The following CFH variants were observed in gnomAD, a reference collection of about 807,000 sequenced individuals.
CFH encodes the protein H factor 1 (complement).
CFH carries 53 observed loss-of-function variants against 147.3 expected under a neutral mutation model. The ratio of observed to expected loss-of-function variants is 0.36; its 90% confidence interval spans 0.29 to 0.45. The LOEUF is 0.45. CFH is among the 20% of genes least tolerant of loss of function. CFH has a pLI of 1.00. For synonymous variants in CFH, 536 were observed against 489.4 expected (o/e 1.10, Z -1.26); for missense variants, 1,380 against 1,498.0 (o/e 0.92, Z 1.30).
chr1:196,742,156 C>T, intron 19 of CFH, 105 bp downstream of exon 19: 4 of 1,073,616 alleles, frequency 3.7e-6, no homozygotes, highest in South Asian at 1.3e-5. Flanking sequence ...GGGCGGATCA[C>T]TTGAGGTCAG....
chr1:196,658,498 G>A (rs908576128), intron 1 of CFH, among the ~76,000 whole-genome samples: 3 of 144,504 alleles, frequency 2.1e-5, no homozygotes, highest in African/African-American at 5.3e-5. Context: ...TGCAAGCTCC[G>A]CCTCCCGGGT....
At chr1:196,653,822 A>G (rs187924560) in intron 1 of CFH, among the ~76,000 whole-genome samples, 21 of 152,200 alleles carry the variant, frequency 1.4e-4, no homozygotes, top group Admixed American at 1.2e-3. Flanking sequence ...TATATATGTT[A>G]TGGTGAAAAT....
At chr1:196,698,932 A>C (rs1264460665) in intron 9 of CFH, among the ~76,000 whole-genome samples, 1 of 152,172 alleles carries the variant, frequency 6.6e-6, no homozygotes, top group Non-Finnish European at 1.5e-5. Context: ...TATACAAATC[A>C]ATAAATGTAA....
intron 9 of CFH, among the ~76,000 whole-genome samples, chr1:196,712,737 C>T (rs988208806): frequency 2.0e-4 from 30 of 149,324 alleles, no homozygotes; most frequent in African/African-American, 4.9e-4. Flanking sequence ...TTTAGCATTA[C>T]GTATATCTCC....
chr1:196,706,806 C>G (rs1668601320), intron 9 of CFH, among the ~76,000 whole-genome samples: 3 of 152,138 alleles, frequency 2.0e-5, no homozygotes, highest in African/African-American at 7.2e-5. Flanking sequence ...CCTCCACCCC[C>G]AGTACCAAGG....
chr1:196,683,683 T>A lies in CFH; in HGVS notation c.791-1381T>A, dbSNP rs534291480. On this transcript the variant is annotated intron_variant, in intron 6 of 21. Transcript: ENST00000367429. ...ATGAAAGAATTAAAGCTAACCTGAATTTGAAAGCAACACTTTACCACTGAA... is the reference window on the plus strand; with the variant it reads ...ATGAAAGAATTAAAGCTAACCTGAAATTGAAAGCAACACTTTACCACTGAA... 3.3e-5 allele frequency among the ~76,000 whole-genome samples: 5 copies of A among 151,850 alleles called. No homozygotes were observed. In the East Asian group the frequency reaches 7.7e-4, roughly 24 times the overall value.
At chr1:196,730,161 G>C (rs1669248716) in intron 15 of CFH, among the ~76,000 whole-genome samples, 2 of 151,606 alleles carry the variant, frequency 1.3e-5, no homozygotes, top group Admixed American at 6.6e-5. Context: ...CTGCTTCTTT[G>C]AGGTGTACTA....
intron 1 of CFH, among the ~76,000 whole-genome samples, chr1:196,665,851 C>T (rs559897777): frequency 4.6e-5 from 7 of 152,334 alleles, no homozygotes; most frequent in South Asian, 2.1e-4. Flanking sequence ...AGGTGATCCA[C>T]CCATCTCAGC....
chr1:196,696,399 T>C (rs1668273891), intron 9 of CFH, among the ~76,000 whole-genome samples: 1 of 152,122 alleles, frequency 6.6e-6, no homozygotes. Context: ...GTAAATAAGT[T>C]CCTTGAAACC....
At chr1:196,660,306 A>C (rs521605) in intron 1 of CFH, among the ~76,000 whole-genome samples, 1 of 152,244 alleles carries the variant, frequency 6.6e-6, no homozygotes, top group Non-Finnish European at 1.5e-5. Context: ...CAGTAAATAC[A>C]TGGGAGATTT....
intron 1 of CFH, among the ~76,000 whole-genome samples, chr1:196,661,539 A>G (rs1666905410): frequency 6.6e-6 from 1 of 152,208 alleles, no homozygotes; most frequent in Non-Finnish European, 1.5e-5. Context: ...GTGTCCTCCA[A>G]TGATGAAAGG....
chr1:196,721,996 G>A (rs746856332), intron 11 of CFH, among the ~76,000 whole-genome samples: 8 of 151,764 alleles, frequency 5.3e-5, no homozygotes, highest in Non-Finnish European at 1.2e-4. Context: ...TCCAAATTTG[G>A]TCCACAAATC....
At chr1:196,727,056 C>A in intron 14 of CFH, 116 bp downstream of exon 14, 1 of 851,106 alleles carries the variant, frequency 1.2e-6, no homozygotes, top group Non-Finnish European at 2.0e-6. Flanking sequence ...TTCCAGTCTT[C>A]AATATGAGAC....
At position 196,726,797 on chromosome 1, in the gene CFH, A is replaced by C; in HGVS notation, c.2093A>C (p.Glu698Ala). ...ESTCGDIPELEHGWAQLSSPP... is the reference protein window; with the variant it reads ...ESTCGDIPELAHGWAQLSSPP... ...ACCTGTGGAGATATACCTGAACTTG[A>C]ACATGGCTGGGCCCAGCTTTCTTCC... Residue 698 changes from glutamate to alanine, a missense_variant, in exon 14 of 22, where the codon GAA (glutamate) becomes GCA (alanine). Physicochemically the swap from Glu to Ala is moderately radical, Grantham distance 107. Around this residue, in one of 4 missense-constraint regions of CFH, gnomAD observed 830 missense variants for 821.4 expected, o/e 1.01. Coordinates refer to ENST00000367429, the MANE Select transcript of CFH (RefSeq NM_000186.4). 1.2e-6 allele frequency: 2 copies of C among 1,613,918 alleles called. No homozygotes were observed. Among genetic ancestry groups the C allele is most frequent in the Non-Finnish European group, 1.7e-6 (2 of 1,179,864 alleles).
chr1:196,704,144 T>A (rs1168809949), intron 9 of CFH, among the ~76,000 whole-genome samples: 1 of 152,038 alleles, frequency 6.6e-6, no homozygotes, highest in Non-Finnish European at 1.5e-5. Flanking sequence ...GTGGCACGAT[T>A]GTGGCTCACT....
At chr1:196,697,421 G>A (rs1207632370) in intron 9 of CFH, among the ~76,000 whole-genome samples, 1 of 152,100 alleles carries the variant, frequency 6.6e-6, no homozygotes, top group African/African-American at 2.4e-5. Flanking sequence ...AGCATCACTG[G>A]TCATTAGAGA....
intron 15 of CFH, among the ~76,000 whole-genome samples, chr1:196,730,754 G>C (rs1215610311): frequency 6.6e-6 from 1 of 151,554 alleles, no homozygotes; most frequent in African/African-American, 2.4e-5. Flanking sequence ...ATATTTAGTT[G>C]CTTTGATGTT....
At chr1:196,692,663 C>G (rs1668077572) in intron 9 of CFH, among the ~76,000 whole-genome samples, 1 of 139,686 alleles carries the variant, frequency 7.2e-6, no homozygotes, top group Admixed American at 7.2e-5. Flanking sequence ...GTTTCTCCTT[C>G]TTTTTCTTTT....
chr1:196,705,795 A>C (rs559749529), intron 9 of CFH, among the ~76,000 whole-genome samples: 1 of 152,262 alleles, frequency 6.6e-6, no homozygotes, highest in East Asian at 1.9e-4. Flanking sequence ...CATACTGTGT[A>C]TGCTATTTGT....
Sources: gnomAD v4.1 joint callset for allele counts (sites outside exome capture counted in the v4.1 genomes callset) on GRCh38, gnomAD v4.1.1 for gene constraint, gnomAD v4.1.1 regional missense constraint, MANE v1.5 for transcripts, NCBI Gene and HGNC (gene_info 2026-07-23, HGNC 2026-07-21) for gene names.